Variants in PKNOX2 observed in about 807,000 individuals in gnomAD.
PKNOX2 encodes the protein homeobox protein PKNOX2.
In PKNOX2, 14 loss-of-function variants were observed where a neutral mutation model predicts 53.1. The ratio of observed to expected loss-of-function variants is 0.26; its 90% CI spans 0.17 to 0.41. PKNOX2 has a LOEUF of 0.41. PKNOX2 is among the 10% of genes least tolerant of loss of function. PKNOX2 has a pLI of 1.00. For synonymous variants in PKNOX2, 257 were observed against 242.8 expected, an observed-to-expected ratio of 1.06 and a Z score of -0.54; for missense variants, 496 against 602.8, an observed-to-expected ratio of 0.82 and a Z score of 1.85.
intron 6 of PKNOX2, among the ~76,000 whole-genome samples, chr11:125,388,876 A>G (rs996210884): frequency 2.6e-5 from 4 of 152,156 alleles, no homozygotes; most frequent in African/African-American, 9.7e-5. Flanking sequence ...GAGAAGAAAC[A>G]GATTCATCAA....
chr11:125,377,467 A>G (rs1275589194), intron 5 of PKNOX2, among the ~76,000 whole-genome samples: 1 of 152,202 alleles, frequency 6.6e-6, no homozygotes, highest in Non-Finnish European at 1.5e-5. Context: ...CAGGGAATTC[A>G]GGTGGAAGGA....
intron 2 of PKNOX2, among the ~76,000 whole-genome samples, chr11:125,298,973 A>G (rs1947845829): frequency 6.6e-6 from 1 of 151,988 alleles, no homozygotes; most frequent in African/African-American, 2.4e-5. Flanking sequence ...AAGGCTGGGT[A>G]ATTTATAAAG....
chr11:125,326,025 T>C (rs1565497537), intron 2 of PKNOX2, among the ~76,000 whole-genome samples: 1 of 152,252 alleles, frequency 6.6e-6, no homozygotes, highest in Non-Finnish European at 1.5e-5. Context: ...TATTTTCTAG[T>C]AGCAGCTCCT....
intron 5 of PKNOX2, among the ~76,000 whole-genome samples, chr11:125,372,135 AC>A (rs1180506959): frequency 3.3e-5 from 5 of 152,106 alleles, no homozygotes; most frequent in Non-Finnish European, 7.3e-5. Flanking sequence ...GTTAGGGAGC[AC>A]CCCATAAATA....
rs1949920529 is a variant in PKNOX2 at position 125,327,903 on chromosome 11, C to T, written c.-129-3916C>T. Among the ~76,000 whole-genome samples the T allele has an allele frequency of 2.6e-5, 4 of 152,202 alleles. No individual in the cohort carries two copies. The South Asian group carries it at 8.3e-4, about 31-fold the overall frequency. ...GCATGCTGGTGTCACCTCTGATCGT[C>T]CTTCCTCTCTCAAATGTGTGTTTTA... On this transcript the variant is annotated intron_variant, in intron 2 of 12. Transcript: ENST00000298282.
intron 1 of PKNOX2, among the ~76,000 whole-genome samples, chr11:125,216,274 G>A (rs1294562038): frequency 2.0e-5 from 3 of 152,206 alleles, no homozygotes; most frequent in South Asian, 2.1e-4. Context: ...GGAGGGGTCT[G>A]AGCTGTGGTT....
At chr11:125,298,866 A>G (rs760705740) in intron 2 of PKNOX2, among the ~76,000 whole-genome samples, 1 of 152,148 alleles carries the variant, frequency 6.6e-6, no homozygotes, top group African/African-American at 2.4e-5. Context: ...TTACCTGACC[A>G]TTGGTTATCA....
chr11:125,248,941 C>A (rs529233596), intron 2 of PKNOX2, among the ~76,000 whole-genome samples: 1 of 118,224 alleles, frequency 8.5e-6, no homozygotes, highest in African/African-American at 3.3e-5. Context: ...CATTATATAA[C>A]GTATATACAT....
chr11:125,350,463 C>T (rs1951235023), intron 3 of PKNOX2, among the ~76,000 whole-genome samples: 1 of 152,120 alleles, frequency 6.6e-6, no homozygotes, highest in Non-Finnish European at 1.5e-5. Context: ...CCCTTGGCCT[C>T]TGTCTTCTAC....
intron 10 of PKNOX2, among the ~76,000 whole-genome samples, chr11:125,421,317 C>T (rs1264652467): frequency 6.6e-6 from 1 of 152,140 alleles, no homozygotes; most frequent in Non-Finnish European, 1.5e-5. Context: ...AGGGGGCAGG[C>T]AGGATGGGGA....
chr11:125,207,780 T>C (rs1442665506), intron 1 of PKNOX2, among the ~76,000 whole-genome samples: 1 of 151,992 alleles, frequency 6.6e-6, no homozygotes, highest in Admixed American at 6.6e-5. Context: ...GGAATAAGCA[T>C]GTCGGGGGCA....
At chr11:125,175,761 C>T (rs1440071853) in intron 1 of PKNOX2, among the ~76,000 whole-genome samples, 1 of 152,188 alleles carries the variant, frequency 6.6e-6, no homozygotes, top group Non-Finnish European at 1.5e-5. Context: ...GCTGGCCTCA[C>T]TTTCCCCATC....
intron 6 of PKNOX2, among the ~76,000 whole-genome samples, chr11:125,397,571 G>A (rs1365067556): frequency 4.6e-5 from 7 of 152,202 alleles, no homozygotes; most frequent in Admixed American, 3.3e-4. Context: ...GCTTGGACCT[G>A]GCCTCCCATC....
At chr11:125,174,476 T>C (rs1237441125) in intron 1 of PKNOX2, among the ~76,000 whole-genome samples, 1 of 152,240 alleles carries the variant, frequency 6.6e-6, no homozygotes, top group African/African-American at 2.4e-5. Flanking sequence ...CAGGTTATCC[T>C]TGGCTCTCTT....
At chr11:125,270,597 A>G (rs1260935566) in intron 2 of PKNOX2, among the ~76,000 whole-genome samples, 1 of 152,172 alleles carries the variant, frequency 6.6e-6, no homozygotes, top group African/African-American at 2.4e-5. Context: ...TGGGGTGGAG[A>G]ATAATGAGGG....
At chr11:125,393,689 C>A (rs1954218458) in intron 6 of PKNOX2, among the ~76,000 whole-genome samples, 1 of 152,084 alleles carries the variant, frequency 6.6e-6, no homozygotes, top group African/African-American at 2.4e-5. Flanking sequence ...GGTGTTTGGA[C>A]CCCGGGGGGC....
At chr11:125,252,403 A>G (rs544022055) in intron 2 of PKNOX2, among the ~76,000 whole-genome samples, 2 of 152,286 alleles carry the variant, frequency 1.3e-5, no homozygotes, top group East Asian at 1.9e-4. Flanking sequence ...CCACTGCTTC[A>G]ATATGTGGAA....
chr11:125,430,669 G>A (rs761727629), intron 12 of PKNOX2, among the ~76,000 whole-genome samples: 46 of 152,104 alleles, frequency 3.0e-4, no homozygotes, highest in Non-Finnish European at 5.3e-4. Flanking sequence ...GTAGGTGTGC[G>A]TGTGTGCACA....
intron 2 of PKNOX2, among the ~76,000 whole-genome samples, chr11:125,280,806 A>G (rs59164066): frequency 0.055 from 8,349 of 152,202 alleles, 745 homozygotes; most frequent in African/African-American, 0.19. Context: ...TGGCACAGGC[A>G]TGGCAGGGCT....
Sources: gnomAD v4.1 joint callset for allele counts (sites outside exome capture counted in the v4.1 genomes callset) on GRCh38, gnomAD v4.1.1 for gene constraint, MANE v1.5 for transcripts, NCBI Gene and HGNC (gene_info 2026-07-23, HGNC 2026-07-21) for gene names.